GPHN: variants seen among roughly 807,000 people sequenced by gnomAD.
GPHN encodes the protein gephyrin.
A neutral mutation model predicts 95.5 loss-of-function variants in GPHN; 17 were observed. The observed-to-expected ratio is 0.18, with a 90% CI of 0.12 to 0.27. The LOEUF (loss-of-function observed/expected upper bound fraction) is 0.27, where lower values mean the gene tolerates loss of function less well. Among genes scored for constraint, GPHN ranks in the 10% least tolerant of loss-of-function variants. The pLI is 1.00. For missense variants in GPHN, 660 were observed against 978.1 expected (o/e 0.67, Z 4.34); for synonymous variants, 320 against 322.5 (o/e 0.99, Z 0.08).
At chr14:67,460,586 C>T in the GPHN span, among the ~76,000 whole-genome samples, 4 of 152,096 alleles carry the variant, frequency 2.6e-5, no homozygotes, top group African/African-American at 7.2e-5. Flanking sequence ...CACCTGTAGT[C>T]CCAGGTACTC....
At chr14:67,497,170 G>A in the GPHN span, among the ~76,000 whole-genome samples, 2 of 152,122 alleles carry the variant, frequency 1.3e-5, no homozygotes, top group African/African-American at 4.8e-5. Flanking sequence ...GGGAGAGCTC[G>A]TGGGTGGTGT....
intron 4 of GPHN, among the ~76,000 whole-genome samples, chr14:66,865,287 T>A (rs986816073): frequency 6.6e-6 from 1 of 152,096 alleles, no homozygotes; most frequent in Non-Finnish European, 1.5e-5. Flanking sequence ...CTTGAGGGGA[T>A]GGATATTCCA....
chr14:66,611,024 T>G (rs1389502677), intron 1 of GPHN, among the ~76,000 whole-genome samples: 1 of 152,154 alleles, frequency 6.6e-6, no homozygotes, highest in Non-Finnish European at 1.5e-5. Flanking sequence ...TACAAGAAAG[T>G]GCACAGATGG....
At chr14:66,997,513 G>T (rs989579327) in intron 9 of GPHN, among the ~76,000 whole-genome samples, 3 of 151,932 alleles carry the variant, frequency 2.0e-5, no homozygotes, top group African/African-American at 7.3e-5. Flanking sequence ...GCTTAATTCT[G>T]ATTGCAGAAA....
chr14:67,709,246 A>G, the GPHN span, among the ~76,000 whole-genome samples: 2 of 152,252 alleles, frequency 1.3e-5, no homozygotes, highest in Non-Finnish European at 2.9e-5. Context: ...AACCAAAGTG[A>G]TAACTCAAGG....
chr14:67,386,625 G>A, the GPHN span: 5 of 152,186 alleles, frequency 3.3e-5, no homozygotes, highest in Admixed American at 6.5e-5. Context: ...TTAATGCCTT[G>A]ATATAAATCT....
rs577845331 is a variant in GPHN, at chr14:66,882,827, C to T, written c.389+2794C>T. ...GGATATTTTCACTAGATACAGAAAT[C>T]TGGGTTGACTGTTCTTTTCTTTCAG... On this transcript the variant is annotated intron_variant, in intron 5 of 22. Coordinates refer to ENST00000478722, the MANE Select transcript of GPHN (RefSeq NM_020806.5). 2.0e-5 allele frequency among the ~76,000 whole-genome samples: 3 copies of T among 150,534 alleles called. No individual in the cohort carries two copies. The East Asian group carries it at 5.9e-4, about 29-fold the overall frequency.
the GPHN span, among the ~76,000 whole-genome samples, chr14:67,207,327 C>CAG: frequency 1.3e-5 from 2 of 151,804 alleles, no homozygotes; most frequent in African/African-American, 4.8e-5. Context: ...ATCACATGGC[C>CAG]AGAGAGAGAG....
the GPHN span, chr14:67,576,383 GC>G: frequency 6.5e-7 from 1 of 1,533,458 alleles, no homozygotes; most frequent in Non-Finnish European, 9.0e-7. The surrounding 1 kb of genome is among the most constrained non-coding windows in gnomAD (Gnocchi z 4.0). Flanking sequence ...ATGGCTTTCC[GC>G]CCTCTTCCAG....
chr14:67,260,176 C>T, the GPHN span, among the ~76,000 whole-genome samples: 4 of 152,206 alleles, frequency 2.6e-5, no homozygotes, highest in Non-Finnish European at 5.9e-5. Context: ...CATCTTCCAG[C>T]AATCCATATT....
intron 2 of GPHN, among the ~76,000 whole-genome samples, chr14:66,739,438 G>C (rs960356975): frequency 6.7e-6 from 1 of 149,846 alleles, no homozygotes; most frequent in African/African-American, 2.5e-5. Flanking sequence ...GAATGGTCTC[G>C]ATCTCCTGAC....
At chr14:66,673,362 A>G (rs2066410436) in intron 1 of GPHN, among the ~76,000 whole-genome samples, 2 of 151,962 alleles carry the variant, frequency 1.3e-5, no homozygotes, top group Admixed American at 1.3e-4. Flanking sequence ...AAAGTGCCGG[A>G]AATACAGGTG....
intron 17 of GPHN, chr14:67,142,851 T>C: frequency 5.0e-6 from 1 of 198,922 alleles, no homozygotes; most frequent in Non-Finnish European, 1.0e-5. Context: ...CCTTTGCTAG[T>C]ACAGATCCTC....
the GPHN span, among the ~76,000 whole-genome samples, chr14:67,216,138 G>A: frequency 5.0e-3 from 764 of 152,136 alleles, 3 homozygotes; most frequent in Non-Finnish European, 7.0e-3. Context: ...ATTTGTTACA[G>A]TCAATGAACA....
At chr14:67,536,771 G>A in the GPHN span, among the ~76,000 whole-genome samples, 2 of 151,878 alleles carry the variant, frequency 1.3e-5, no homozygotes. Context: ...GGTCGGGAGT[G>A]GTGGCTCACG....
the GPHN span, among the ~76,000 whole-genome samples, chr14:67,523,889 AC>A: frequency 6.6e-6 from 1 of 151,346 alleles, no homozygotes; most frequent in Non-Finnish European, 1.5e-5. Context: ...TAGAGCTGTG[AC>A]CTCTCTAGGG....
intron 2 of GPHN, among the ~76,000 whole-genome samples, chr14:66,692,586 A>G (rs1229215022): frequency 6.6e-6 from 1 of 152,186 alleles, no homozygotes; most frequent in African/African-American, 2.4e-5. Flanking sequence ...CAAGTGGGGA[A>G]CACAGATGTC....
the GPHN span, among the ~76,000 whole-genome samples, chr14:67,458,893 G>A: frequency 5.8e-3 from 887 of 151,818 alleles, 13 homozygotes; most frequent in African/African-American, 0.021. Flanking sequence ...AATGTTTTTT[G>A]TTTTGTTTTT....
chr14:67,523,437 C>G, the GPHN span, among the ~76,000 whole-genome samples: 1 of 152,146 alleles, frequency 6.6e-6, no homozygotes, highest in Non-Finnish European at 1.5e-5. Context: ...ATGTGCCATG[C>G]ACTGTGCTAA....
Sources: gnomAD v4.1 joint callset for allele counts (sites outside exome capture counted in the v4.1 genomes callset) on GRCh38, gnomAD v4.1.1 for gene constraint, Gnocchi (gnomAD v3.1) non-coding constraint, MANE v1.5 for transcripts, NCBI Gene and HGNC (gene_info 2026-07-23, HGNC 2026-07-21) for gene names.